FOXP1: variants seen among roughly 807,000 people sequenced by gnomAD.
FOXP1 encodes the protein forkhead box P1.
Under a neutral mutation model 98.2 loss-of-function variants are expected in FOXP1, and 15 were observed. The observed-to-expected ratio is 0.15, with a 90% CI of 0.10 to 0.24. The LOEUF (loss-of-function observed/expected upper bound fraction) is 0.24, where lower values mean the gene tolerates loss of function less well. Ranked by LOEUF, FOXP1 falls within the 10% of genes least tolerant of loss-of-function variation. The probability of loss-of-function intolerance (pLI) is 1.00; values close to 1 mark genes in which losing one functional copy is unlikely to be tolerated. For missense variants in FOXP1, 633 were observed against 848.5 expected (o/e 0.75, Z 3.15); for synonymous variants, 371 against 314.5 (o/e 1.18, Z -1.90).
chr3:71,006,795 A>G (rs1203609007), intron 12 of FOXP1, among the ~76,000 whole-genome samples: 1 of 152,182 alleles, frequency 6.6e-6, no homozygotes, highest in Non-Finnish European at 1.5e-5. Context: ...ATGTAGAATT[A>G]ATTGCATAAG....
chr3:70,971,442 A>G (rs2036217336), intron 18 of FOXP1: 1 of 154,288 alleles, frequency 6.5e-6, no homozygotes, highest in African/African-American at 2.4e-5. Context: ...TGTTGTCAGA[A>G]AATCTCTAGC....
chr3:71,378,044 A>G (rs2079852924), intron 3 of FOXP1, among the ~76,000 whole-genome samples: 1 of 151,706 alleles, frequency 6.6e-6, no homozygotes, highest in South Asian at 2.1e-4. Flanking sequence ...GAAATAACTC[A>G]AAGATTCCTT....
At chr3:71,207,611 C>T (rs2064145658) in intron 5 of FOXP1, among the ~76,000 whole-genome samples, 1 of 152,232 alleles carries the variant, frequency 6.6e-6, no homozygotes, top group Non-Finnish European at 1.5e-5. Context: ...CTCTGCAGGT[C>T]ATGACCCTCC....
chr3:71,502,753 T>G (rs2041491063), intron 2 of FOXP1, among the ~76,000 whole-genome samples: 1 of 152,200 alleles, frequency 6.6e-6, no homozygotes, highest in Admixed American at 6.5e-5. Context: ...AGTGGGAACA[T>G]TCTAGAAGAA....
chr3:71,226,744 C>A (rs2065870132), intron 5 of FOXP1, among the ~76,000 whole-genome samples: 1 of 152,034 alleles, frequency 6.6e-6, no homozygotes, highest in Non-Finnish European at 1.5e-5. Flanking sequence ...TTGCTCTCCA[C>A]CTCCATCTCA....
intron 4 of FOXP1, among the ~76,000 whole-genome samples, chr3:71,354,374 G>A (rs2078017551): frequency 6.6e-6 from 1 of 152,058 alleles, no homozygotes; most frequent in Non-Finnish European, 1.5e-5. Flanking sequence ...TTAACTTAAA[G>A]GCAAAACATA....
At chr3:71,163,126 G>A (rs1044657832) in intron 6 of FOXP1, among the ~76,000 whole-genome samples, 1 of 152,202 alleles carries the variant, frequency 6.6e-6, no homozygotes, top group East Asian at 1.9e-4. Flanking sequence ...CAACCAAAAC[G>A]ATGCACGTGA....
chr3:71,196,538 A>C (rs2063313358), intron 6 of FOXP1, among the ~76,000 whole-genome samples: 2 of 152,214 alleles, frequency 1.3e-5, no homozygotes, highest in Admixed American at 1.3e-4. Context: ...GTATCACATC[A>C]GTCAGTAGTA....
chr3:71,498,862 G>A (rs1490307148), intron 2 of FOXP1, among the ~76,000 whole-genome samples: 1 of 152,160 alleles, frequency 6.6e-6, no homozygotes, highest in Non-Finnish European at 1.5e-5. Flanking sequence ...AGGTGATACT[G>A]ATGCTACTGA....
intron 6 of FOXP1, among the ~76,000 whole-genome samples, chr3:71,147,449 A>G (rs953543833): frequency 6.6e-6 from 1 of 151,892 alleles, no homozygotes; most frequent in Non-Finnish European, 1.5e-5. Context: ...CGCCATACAC[A>G]CTATTACTTA....
intron 13 of FOXP1, among the ~76,000 whole-genome samples, chr3:70,989,451 T>A (rs1254959332): frequency 6.6e-6 from 1 of 152,204 alleles, no homozygotes; most frequent in Non-Finnish European, 1.5e-5. Flanking sequence ...GTATTCCTCC[T>A]CTGTTCTTTA....
At chr3:71,232,019 G>A (rs966224036) in intron 5 of FOXP1, among the ~76,000 whole-genome samples, 1 of 152,228 alleles carries the variant, frequency 6.6e-6, no homozygotes. Flanking sequence ...GCCTATTTCA[G>A]CATCGTCACC....
At chr3:71,306,166 C>T (rs2074257182) in intron 4 of FOXP1, 1 of 152,174 alleles carries the variant, frequency 6.6e-6, no homozygotes, top group African/African-American at 2.4e-5. Flanking sequence ...GTGCCTTCTA[C>T]CTGTCCTCAC....
chr3:71,211,035 T>G (rs954884509), intron 5 of FOXP1, among the ~76,000 whole-genome samples: 4 of 151,842 alleles, frequency 2.6e-5, no homozygotes, highest in Non-Finnish European at 5.9e-5. Context: ...AGTCCTGGAG[T>G]TTTGAAAACT....
At chr3:71,015,104 T>C (rs190640838) in intron 12 of FOXP1, among the ~76,000 whole-genome samples, 38 of 151,980 alleles carry the variant, frequency 2.5e-4, no homozygotes, top group Non-Finnish European at 1.3e-4. Flanking sequence ...AACCTGCATG[T>C]TGTGCACACG....
intron 3 of FOXP1, among the ~76,000 whole-genome samples, chr3:71,365,470 C>A (rs1449405289): frequency 1.3e-5 from 2 of 148,886 alleles, no homozygotes; most frequent in Non-Finnish European, 3.0e-5. Flanking sequence ...AAAAAAAAAG[C>A]TGAAGCTTTT....
At chr3:71,061,156 G>A (rs1485053785) in intron 7 of FOXP1, among the ~76,000 whole-genome samples, 4 of 152,022 alleles carry the variant, frequency 2.6e-5, no homozygotes, top group Non-Finnish European at 5.9e-5. Context: ...GGGGTGGGAG[G>A]GAAGTATTGC....
intron 6 of FOXP1, among the ~76,000 whole-genome samples, chr3:71,122,902 A>G (rs2058881373): frequency 6.6e-6 from 1 of 152,208 alleles, no homozygotes; most frequent in African/African-American, 2.4e-5. Flanking sequence ...ATGGCTATGC[A>G]GACCTCCGGA....
chr3:70,960,810 A>AGG (rs1437899278), intron 20 of FOXP1, among the ~76,000 whole-genome samples: 1 of 151,656 alleles, frequency 6.6e-6, no homozygotes, highest in African/African-American at 2.4e-5. Flanking sequence ...GAGAGCATTT[A>AGG]GGGGGGCTAG....
Sources: gnomAD v4.1 joint callset for allele counts (sites outside exome capture counted in the v4.1 genomes callset) on GRCh38, gnomAD v4.1.1 for gene constraint, MANE v1.5 for transcripts, NCBI Gene and HGNC (gene_info 2026-07-23, HGNC 2026-07-21) for gene names.